The following MCFD2 variants were observed in gnomAD, a reference collection of about 807,000 sequenced individuals.
MCFD2 encodes multiple coagulation factor deficiency 2, ER cargo receptor complex subunit.
MCFD2 carries 11 observed loss-of-function variants against 12.8 expected under a neutral mutation model. That is an observed-to-expected ratio of 0.86 (90% CI 0.54 to 1.42). The LOEUF (loss-of-function observed/expected upper bound fraction) is 1.42. MCFD2 is among the 40% of genes most tolerant of loss of function. MCFD2 has a pLI of 0.00. For missense variants in MCFD2, 191 were observed against 178.6 expected (o/e 1.07, Z -0.40); for synonymous variants, 70 against 68.1 (o/e 1.03, Z -0.14).
chr2:46,936,517 G>C (rs1040502253), intron 1 of MCFD2, among the ~76,000 whole-genome samples: 4 of 152,240 alleles, frequency 2.6e-5, no homozygotes, highest in South Asian at 2.1e-4. Flanking sequence ...TAGCTATGAG[G>C]CTGGGGGGTC....
At chr2:46,928,440 A>G (rs1360718539) in intron 1 of MCFD2, among the ~76,000 whole-genome samples, 1 of 147,072 alleles carries the variant, frequency 6.8e-6, no homozygotes, top group African/African-American at 2.5e-5. Flanking sequence ...TTTCAAGCTC[A>G]GGTGGTGGAA....
At chr2:46,929,294 G>C (rs573718249) in intron 1 of MCFD2, among the ~76,000 whole-genome samples, 6 of 152,252 alleles carry the variant, frequency 3.9e-5, no homozygotes, top group African/African-American at 1.4e-4. Flanking sequence ...AGACCAGCCT[G>C]GTCAACATAG....
rs1316947575 is a variant in MCFD2, at chr2:46,915,738, A to G, written c.-22T>C. Reference sequence around the variant, plus strand: ...GTTCACTCACCCTTACGGTCTCCGAAGCAGACGCGAAGCCCTCCAACGTGA... The same window carrying G: ...GTTCACTCACCCTTACGGTCTCCGAGGCAGACGCGAAGCCCTCCAACGTGA... On this transcript the variant is annotated 5_prime_UTR_variant, in exon 1 of 4. Transcript: ENST00000319466. The G allele has an allele frequency of 4.1e-6, 4 of 979,782 alleles. No homozygotes were observed. Among genetic ancestry groups the G allele is most frequent in the Admixed American group, 6.2e-5 (1 of 16,184 alleles). The allele number at this position is 979,782 out of a possible 1,614,324, so 60.7% of individuals were successfully genotyped here.
intron 1 of MCFD2, among the ~76,000 whole-genome samples, chr2:46,912,120 G>C (rs1668511899): frequency 6.6e-6 from 1 of 152,174 alleles, no homozygotes. Context: ...TGGATCACTT[G>C]AGGTCAGGAG....
In MCFD2 at chr2:46,905,657, C is replaced by T. The variant is rs531488231; in HGVS notation, c.310-63G>A. 1.9e-4 allele frequency: 237 copies of T among 1,274,504 alleles called. 3 individuals are homozygous for T. In the South Asian group the frequency reaches 2.3e-3, roughly 12 times the overall value. The allele number at this position is 1,274,504 out of a possible 1,614,324, so 78.9% of individuals were successfully genotyped here. ...TTTACCGGAAGAAGTGCTTAACTAA[C>T]GTCCAAAATATCCATGTTCTTTCAT... On this transcript the variant is annotated intron_variant, in intron 3 of 3. Coordinates refer to ENST00000319466, the MANE Select transcript of MCFD2 (RefSeq NM_139279.6).
At chr2:46,925,415 G>A (rs776473477) in intron 1 of MCFD2, among the ~76,000 whole-genome samples, 11 of 152,082 alleles carry the variant, frequency 7.2e-5, no homozygotes, top group South Asian at 4.1e-4. Flanking sequence ...AAAATTAGCC[G>A]GGCATGGTGG....
Position 46,941,060 on chromosome 2 carries a change from G to GGCGGGGGGCT in MCFD2, c.-8+511_-8+512insAGCCCCCCGC. On this transcript the variant is annotated intron_variant, in intron 1 of 2. Coordinates refer to the MCFD2 transcript ENST00000409147. The surrounding 1 kb of genome is among the most constrained non-coding windows in gnomAD (Gnocchi z 4.2). ...CGCGGCGGGGGCGGCGGCGGGGGGC[G>GGCGGGGGGCT]GGTACCCGGGCGGCCGCGAGCGCCC... The GGCGGGGGGCT allele has an allele frequency of 6.6e-6, 1 of 151,050 alleles. No individual in the cohort carries two copies. Among genetic ancestry groups the GGCGGGGGGCT allele is most frequent in the African/African-American group, 2.4e-5 (1 of 41,136 alleles). 9.4% of individuals were successfully genotyped at this position (151,050 alleles called of 1,614,324 possible).
intron 1 of MCFD2, among the ~76,000 whole-genome samples, chr2:46,922,740 C>T (rs1200513358): frequency 6.6e-6 from 1 of 151,836 alleles, no homozygotes; most frequent in African/African-American, 2.4e-5. Flanking sequence ...TGGGGAGGGG[C>T]GGGGGGCTCT....
At position 46,905,043 on chromosome 2, in the gene MCFD2, G is replaced by A. The variant is rs1415039127; in HGVS notation, c.*420C>T. On this transcript the variant is annotated 3_prime_UTR_variant, in exon 4 of 4. Coordinates refer to ENST00000319466, the MANE Select transcript of MCFD2 (RefSeq NM_139279.6). ...TTCACAAGATCTGATGGCTTATCAGGGGTTTCCACTTTTGCTTCTTCCTCA... is the reference window on the plus strand; with the variant it reads ...TTCACAAGATCTGATGGCTTATCAGAGGTTTCCACTTTTGCTTCTTCCTCA... 1 of 305,992 alleles carries A rather than the reference G, an allele frequency of 3.3e-6. No individual in the cohort carries two copies. Among genetic ancestry groups the A allele is most frequent in the Non-Finnish European group, 6.2e-6 (1 of 162,126 alleles). 19.0% of individuals were successfully genotyped at this position (305,992 alleles called of 1,614,324 possible). A position where few individuals can be genotyped will look rare whatever the true frequency, so the allele number is the denominator to read the frequency against.
In MCFD2 at chr2:46,908,203, T is replaced by C. The variant is rs779642396; in HGVS notation, c.150-234A>G. ...CAGGATTAGGGTATTCTTTCCTCTTTATTATTAGAATTTTGTTATAACATT... is the reference window on the plus strand; with the variant it reads ...CAGGATTAGGGTATTCTTTCCTCTTCATTATTAGAATTTTGTTATAACATT... On this transcript the variant is annotated intron_variant, in intron 2 of 3. Transcript: ENST00000319466. This position sits in a 1 kb window ranked among gnomAD's most constrained non-coding sequence, Gnocchi z 4.5. 7 of 571,104 alleles carry C rather than the reference T, an allele frequency of 1.2e-5. No homozygotes were observed. The highest frequency in any genetic ancestry group is 1.9e-5 in the Non-Finnish European group (6 of 320,884). The allele number at this position is 571,104 out of a possible 1,614,324, so 35.4% of individuals were successfully genotyped here.
At position 46,937,048 on chromosome 2, in the gene MCFD2, T is replaced by G. The variant is rs977971824; in HGVS notation, c.-8+4524A>C. Among the ~76,000 whole-genome samples, 8 of 151,802 alleles carry G rather than the reference T, an allele frequency of 5.3e-5. No homozygotes were observed. The highest frequency in any genetic ancestry group is 1.2e-4 in the Non-Finnish European group (8 of 67,930). On this transcript the variant is annotated intron_variant, in intron 1 of 2. Coordinates refer to the MCFD2 transcript ENST00000409147. This position sits in a 1 kb window ranked among gnomAD's most constrained non-coding sequence, Gnocchi z 4.0. ...TTTTTGTATTTTTTGTAGAGATGGG[T>G]TTTTGCCATATTGCCCAGGCTCGTC...
rs1179463344 is a variant in MCFD2 at position 46,941,426 on chromosome 2, C to G, written c.-8+146G>C. The G allele has an allele frequency of 1.7e-6, 2 of 1,150,594 alleles. No homozygotes were observed. Among genetic ancestry groups the G allele is most frequent in the Non-Finnish European group, 2.2e-6 (2 of 905,104 alleles). The allele number at this position is 1,150,594 out of a possible 1,614,324, so 71.3% of individuals were successfully genotyped here. ...CGGGCCCCCGCTGCCGCCCGGGCCC[C>G]GGCTGCCGTCTGCGCCCCCGTCGAC... On this transcript the variant is annotated intron_variant, in intron 1 of 2. Transcript: ENST00000409147. The surrounding 1 kb of genome is among the most constrained non-coding windows in gnomAD (Gnocchi z 4.2).
In MCFD2 at chr2:46,927,897, T is replaced by C. The variant is rs913579176; in HGVS notation, c.-8+13675A>G. Among the ~76,000 whole-genome samples the C allele has an allele frequency of 2.1e-4, 28 of 131,284 alleles. 1 individual carries two copies. The highest frequency in any genetic ancestry group is 3.8e-4 in the Non-Finnish European group (23 of 60,760). 86.1% of individuals were successfully genotyped at this position (131,284 alleles called of 152,430 possible). A position where few individuals can be genotyped will look rare whatever the true frequency, so the allele number is the denominator to read the frequency against. On this transcript the variant is annotated intron_variant, in intron 1 of 2. Transcript: ENST00000409147. The stretch of plus-strand genomic sequence containing the variant: ...GGTTTTTTTGGTGTTTTTTTTTTTT[T>C]TTTTTTTTTTTTTTGAGACAGGGTC...
In MCFD2 at chr2:46,907,880, T is replaced by C; in HGVS notation, c.239A>G (p.His80Arg). 3 of 1,614,248 alleles carry C rather than the reference T, an allele frequency of 1.9e-6. No individual in the cohort carries two copies. Among genetic ancestry groups the C allele is most frequent in the Non-Finnish European group, 2.5e-6 (3 of 1,180,040 alleles). ...AAGCAAATTATTGCCATCATAATCA[T>C]GCATTTTGAAGTAATGGAGCTGCAA... ...QELQLHYFKM[H>R]DYDGNNLLDG... Residue 80 changes from histidine (H) to arginine (R), a missense_variant, in exon 3 of 4, where the codon CAT (histidine) becomes CGT (arginine). Coordinates refer to ENST00000319466, the MANE Select transcript of MCFD2 (RefSeq NM_139279.6). This position sits in a 1 kb window ranked among gnomAD's most constrained non-coding sequence, Gnocchi z 4.1.
intron 1 of MCFD2, among the ~76,000 whole-genome samples, chr2:46,935,360 G>A (rs946246524): frequency 3.9e-5 from 6 of 151,996 alleles, no homozygotes; most frequent in Admixed American, 1.3e-4. Flanking sequence ...ATCAAGTCCC[G>A]TCATTGGAAG....
At chr2:46,920,445 T>C (rs950498359), upstream of MCFD2, among the ~76,000 whole-genome samples, 3 of 152,132 alleles carry the variant, frequency 2.0e-5, no homozygotes, top group Non-Finnish European at 4.4e-5. Flanking sequence ...TTCTCCTGCC[T>C]CAGCCTCCCA....
chr2:46,934,787 C>CTTTTTTTTTTTTTTTT lies in MCFD2; in HGVS notation c.-8+6769_-8+6784dup, dbSNP rs1161003607. ...GGAATAAGGTATGAAGACTACTGCTCTTTTTTTTTTTTTTTTTTTTTTTTT... is the reference window on the plus strand; with the variant it reads ...GGAATAAGGTATGAAGACTACTGCTCTTTTTTTTTTTTTTTTTTTTTTTTTTTTTTTTTTTTTTTTT... On this transcript the variant is annotated intron_variant, in intron 1 of 2. Transcript: ENST00000409147. Among the ~76,000 whole-genome samples, 11 of 66,916 alleles carry CTTTTTTTTTTTTTTTT rather than the reference C, an allele frequency of 1.6e-4. 1 individual carries two copies. Among genetic ancestry groups the CTTTTTTTTTTTTTTTT allele is most frequent in the Non-Finnish European group, 2.7e-4 (10 of 37,308 alleles). 43.9% of individuals were successfully genotyped at this position (66,916 alleles called of 152,430 possible).
intron 1 of MCFD2, among the ~76,000 whole-genome samples, chr2:46,932,975 G>T (rs1201875247): frequency 6.6e-6 from 1 of 151,976 alleles, no homozygotes; most frequent in African/African-American, 2.4e-5. Context: ...TGAGTGGCCA[G>T]ACACTCAAGG....
intron 1 of MCFD2, among the ~76,000 whole-genome samples, chr2:46,926,795 GGACCTC>G (rs1218895525): frequency 6.6e-6 from 1 of 152,118 alleles, no homozygotes; most frequent in East Asian, 1.9e-4. Context: ...AGCAATCAAC[GGACCTC>G]CACAGCTTGA....
Sources: allele counts gnomAD v4.1 joint callset (sites outside exome capture counted in the v4.1 genomes callset), GRCh38; gene constraint gnomAD v4.1.1; non-coding constraint Gnocchi (gnomAD v3.1); transcripts MANE v1.5; gene names NCBI Gene and HGNC (gene_info 2026-07-23, HGNC 2026-07-21).